Variants in MFSD6 observed in about 807,000 individuals in gnomAD.
MFSD6 encodes major facilitator superfamily domain containing 6, also known as major facilitator superfamily domain-containing protein 6.
MFSD6 carries 26 observed loss-of-function variants against 56.3 expected under a neutral mutation model. That is an observed-to-expected ratio of 0.46 (90% CI 0.34 to 0.64). MFSD6 has a LOEUF of 0.64. MFSD6 is among the 30% of genes least tolerant of loss of function. MFSD6 has a pLI of 0.01. For synonymous variants in MFSD6, 331 were observed against 366.9 expected, an observed-to-expected ratio of 0.90 and a Z score of 1.12; for missense variants, 750 against 986.2, an observed-to-expected ratio of 0.76 and a Z score of 3.21.
In MFSD6 at chr2:190,499,744, G is replaced by A. The variant is rs1261891998; in HGVS notation, c.2173-271G>A. 4 of 1,321,846 alleles carry A rather than the reference G, an allele frequency of 3.0e-6. No individual in the cohort carries two copies. In the Admixed American group the frequency reaches 6.6e-5, roughly 22 times the overall value. 81.9% of individuals were successfully genotyped at this position (1,321,846 alleles called of 1,614,324 possible). Reference sequence around the variant, plus strand: ...TTTGCTGATGTAAACTGTTTACCAAGTACTAACAGACATTTTGGTAGTAAT... The same window carrying A: ...TTTGCTGATGTAAACTGTTTACCAAATACTAACAGACATTTTGGTAGTAAT... On this transcript the variant is annotated intron_variant, in intron 7 of 7. Transcript: ENST00000392328. The surrounding 1 kb of genome is among the most constrained non-coding windows in gnomAD (Gnocchi z 6.0).
At chr2:190,478,930 A>C (rs1297432627) in intron 4 of MFSD6, among the ~76,000 whole-genome samples, 1 of 152,134 alleles carries the variant, frequency 6.6e-6, no homozygotes, top group East Asian at 1.9e-4. Context: ...TACTATCTAG[A>C]GGGTAGCTGA....
rs1349051856 is a variant in MFSD6, at chr2:190,423,273, C to T, written c.-54+7860C>T. Among the ~76,000 whole-genome samples the T allele has an allele frequency of 6.6e-6, 1 of 152,232 alleles. No individual in the cohort carries two copies. Among genetic ancestry groups the T allele is most frequent in the Non-Finnish European group, 1.5e-5 (1 of 68,044 alleles). On this transcript the variant is annotated intron_variant, in intron 2 of 7. Transcript: ENST00000392328. The surrounding 1 kb of genome is among the most constrained non-coding windows in gnomAD (Gnocchi z 4.3). ...CCCTCATGTTGCCCTTGTATAGCCA[C>T]CTCTACTTCCCTCCTGTCCCCACTC...
Position 190,418,587 on chromosome 2 carries a change from C to G in MFSD6, c.-54+3174C>G, listed in dbSNP as rs1277605606. Among the ~76,000 whole-genome samples, 1 of 152,078 alleles carries G rather than the reference C, an allele frequency of 6.6e-6. No individual in the cohort carries two copies. The highest frequency in any genetic ancestry group is 1.5e-5 in the Non-Finnish European group (1 of 68,026). On this transcript the variant is annotated intron_variant, in intron 2 of 7. Transcript: ENST00000392328. This position sits in a 1 kb window ranked among gnomAD's most constrained non-coding sequence, Gnocchi z 4.1. Reference sequence around the variant, plus strand: ...CCTGGGCAACATAGTGAGACCCTGTCTCTGCAAACAACTGAAAAGAATAGC... The same window carrying G: ...CCTGGGCAACATAGTGAGACCCTGTGTCTGCAAACAACTGAAAAGAATAGC...
chr2:190,452,926 A>G (rs1304992308), intron 3 of MFSD6, among the ~76,000 whole-genome samples: 1 of 152,224 alleles, frequency 6.6e-6, no homozygotes, highest in African/African-American at 2.4e-5. Flanking sequence ...TTTAGGAAGA[A>G]TTAATTCACA....
rs937297118 is a variant in MFSD6, at chr2:190,491,288, A to G, written c.1891+1422A>G. Among the ~76,000 whole-genome samples the G allele has an allele frequency of 2.0e-5, 3 of 152,178 alleles. No homozygotes were observed. The highest frequency in any genetic ancestry group is 7.2e-5 in the African/African-American group (3 of 41,426). On this transcript the variant is annotated intron_variant, in intron 6 of 7. Coordinates refer to ENST00000392328, the MANE Select transcript of MFSD6 (RefSeq NM_017694.4). The surrounding 1 kb of genome is among the most constrained non-coding windows in gnomAD (Gnocchi z 4.2). ...GAGGCAGGATTAGGTTGCAGCTCAC[A>G]CTCAGGTGGACCGAGTAGCATGTGG... is the stretch of plus-strand genomic sequence containing the variant.
chr2:190,453,811 G>T (rs936735922), intron 3 of MFSD6, among the ~76,000 whole-genome samples: 1 of 152,190 alleles, frequency 6.6e-6, no homozygotes, highest in Non-Finnish European at 1.5e-5. Flanking sequence ...AGGTGTCACT[G>T]TCTGTGCCTT....
Position 190,471,840 on chromosome 2 carries a change from C to CCGG in MFSD6, c.1630+1985_1630+1986insCGG, listed in dbSNP as rs1687954844. On this transcript the variant is annotated intron_variant, in intron 4 of 7. Transcript: ENST00000392328. This position sits in a 1 kb window ranked among gnomAD's most constrained non-coding sequence, Gnocchi z 4.7. ...AGTAGCCTAACTGGGAGGCACCCCC[C>CCGG]AGTAGGGGCAGACTGATAACTCATA... Among the ~76,000 whole-genome samples the CCGG allele has an allele frequency of 2.6e-5, 4 of 152,220 alleles. No homozygotes were observed. Among genetic ancestry groups the CCGG allele is most frequent in the South Asian group, 2.1e-4 (1 of 4,834 alleles).
rs1686232676 is a variant in MFSD6, at chr2:190,437,929, A to T, written c.1532+368A>T. Among the ~76,000 whole-genome samples the T allele has an allele frequency of 2.0e-5, 3 of 152,218 alleles. No individual in the cohort carries two copies. The South Asian group carries it at 6.2e-4, about 32-fold the overall frequency. On this transcript the variant is annotated intron_variant, in intron 3 of 7. Transcript: ENST00000392328. The surrounding 1 kb of genome is among the most constrained non-coding windows in gnomAD (Gnocchi z 5.9). ...GTCCACCTGTCCTAGGCATTTATGA[A>T]CCAGAGCTTAAGTAGATAAAGTGGA... is the stretch of plus-strand genomic sequence containing the variant.
At chr2:190,470,974 T>C (rs1207968583) in intron 4 of MFSD6, among the ~76,000 whole-genome samples, 7 of 152,182 alleles carry the variant, frequency 4.6e-5, no homozygotes, top group Admixed American at 4.6e-4. Flanking sequence ...AAGGAGATTC[T>C]GTTTACAAAT....
chr2:190,414,256 G>A (rs1690687387), intron 1 of MFSD6, among the ~76,000 whole-genome samples: 1 of 152,070 alleles, frequency 6.6e-6, no homozygotes, highest in South Asian at 2.1e-4. Context: ...CACATGTCCT[G>A]CACATGTGTC....
At position 190,497,391 on chromosome 2, in the gene MFSD6, T is replaced by C. The variant is rs753653964; in HGVS notation, c.1892-48T>C. The stretch of plus-strand genomic sequence containing the variant: ...TTATTTATTTTTACCTTTGTTCAAA[T>C]ATGTAGAAAATGCTGAAAAAATAGT... On this transcript the variant is annotated intron_variant, in intron 6 of 7. Coordinates refer to ENST00000392328, the MANE Select transcript of MFSD6 (RefSeq NM_017694.4). This position sits in a 1 kb window ranked among gnomAD's most constrained non-coding sequence, Gnocchi z 5.2. 6.3e-7 allele frequency: 1 copy of C among 1,582,964 alleles called. No individual in the cohort carries two copies. Among genetic ancestry groups the C allele is most frequent in the Non-Finnish European group, 8.6e-7 (1 of 1,161,432 alleles).
intron 4 of MFSD6, among the ~76,000 whole-genome samples, chr2:190,476,445 A>G (rs888153167): frequency 3.3e-5 from 5 of 152,246 alleles, no homozygotes; most frequent in African/African-American, 7.2e-5. Flanking sequence ...CAACAGACAC[A>G]TGAAAAAATG....
rs1686769788 is a variant in MFSD6, at chr2:190,451,374, G to A, written c.1532+13813G>A. On this transcript the variant is annotated intron_variant, in intron 3 of 7. Coordinates refer to ENST00000392328, the MANE Select transcript of MFSD6 (RefSeq NM_017694.4). This position sits in a 1 kb window ranked among gnomAD's most constrained non-coding sequence, Gnocchi z 5.0. ...AGTCCTCAACTATGAACAGTAGGTAGTATTGTTACTAATTCATTCCTCCAA... is the reference window on the plus strand; with the variant it reads ...AGTCCTCAACTATGAACAGTAGGTAATATTGTTACTAATTCATTCCTCCAA... Among the ~76,000 whole-genome samples the A allele has an allele frequency of 6.6e-6, 1 of 152,206 alleles. No individual in the cohort carries two copies. The highest frequency in any genetic ancestry group is 2.4e-5 in the African/African-American group (1 of 41,446).
rs774372794 is a variant in MFSD6 at position 190,437,307 on chromosome 2, C to T, written c.1278C>T (p.Thr426=). Residue 426 remains threonine, a synonymous_variant, in exon 3 of 8, where the codon ACC becomes ACT. Coordinates refer to ENST00000392328, the MANE Select transcript of MFSD6 (RefSeq NM_017694.4). This position sits in a 1 kb window ranked among gnomAD's most constrained non-coding sequence, Gnocchi z 5.9. ...AGTCCTCTGAGGAGACACCAACCAC[C>T]ACAAGCCACTCGCAGGCCTTCAACT... ...STESSEETPT[T]TSHSQAFNFW... is the part of the protein sequence containing the mutation. The T allele has an allele frequency of 1.9e-6, 3 of 1,614,254 alleles. No homozygotes were observed. Among genetic ancestry groups the T allele is most frequent in the Non-Finnish European group, 2.5e-6 (3 of 1,180,048 alleles).
chr2:190,483,145 G>A (rs2125212754), intron 4 of MFSD6, among the ~76,000 whole-genome samples: 1 of 151,890 alleles, frequency 6.6e-6, no homozygotes. Flanking sequence ...ACCCGCCTCG[G>A]CCTCCCAAAG....
rs1689982091 is a variant in MFSD6 at position 190,500,642 on chromosome 2, A to C, written c.*424A>C. On this transcript the variant is annotated 3_prime_UTR_variant, in exon 8 of 8. Transcript: ENST00000392328. The surrounding 1 kb of genome is among the most constrained non-coding windows in gnomAD (Gnocchi z 5.3). ...GGTTCCTAACACAAACTGGGAAGAG[A>C]TAGAATTCATCTATACTTTCTTTTT... 1.2e-5 allele frequency: 2 copies of C among 161,000 alleles called. No individual in the cohort carries two copies. The highest frequency in any genetic ancestry group is 2.7e-5 in the Non-Finnish European group (2 of 73,106). The allele number at this position is 161,000 out of a possible 1,614,324, so 10.0% of individuals were successfully genotyped here. A position where few individuals can be genotyped will look rare whatever the true frequency, so the allele number is the denominator to read the frequency against.
Position 190,501,328 on chromosome 2 carries a change from A to T in MFSD6, c.*1110A>T, listed in dbSNP as rs1690012772. On this transcript the variant is annotated 3_prime_UTR_variant, in exon 8 of 8. Coordinates refer to ENST00000392328, the MANE Select transcript of MFSD6 (RefSeq NM_017694.4). ...ACTTTCCAATGACTAAAGAAAGAAA[A>T]TCTCAGTATATTCGTTCTCATGAAG... 1 of 152,178 alleles carries T rather than the reference A, an allele frequency of 6.6e-6. No individual in the cohort carries two copies. Among genetic ancestry groups the T allele is most frequent in the Non-Finnish European group, 1.5e-5 (1 of 68,034 alleles). 9.4% of individuals were successfully genotyped at this position (152,178 alleles called of 1,614,324 possible).
chr2:190,434,595 A>G lies in MFSD6; in HGVS notation c.-53-1382A>G, dbSNP rs931607804. Among the ~76,000 whole-genome samples the G allele has an allele frequency of 6.6e-6, 1 of 152,058 alleles. No homozygotes were observed. The highest frequency in any genetic ancestry group is 1.5e-5 in the Non-Finnish European group (1 of 68,014). Reference sequence around the variant, plus strand: ...GGACTACATGCGTGCCACCAGGCCCAGCTAATTCTTGTACTTTTAGTAGAA... The same window carrying G: ...GGACTACATGCGTGCCACCAGGCCCGGCTAATTCTTGTACTTTTAGTAGAA... On this transcript the variant is annotated intron_variant, in intron 2 of 7. Transcript: ENST00000392328. This position sits in a 1 kb window ranked among gnomAD's most constrained non-coding sequence, Gnocchi z 4.3.
At chr2:190,468,787 T>C (rs1015743278) in intron 3 of MFSD6, among the ~76,000 whole-genome samples, 5 of 152,062 alleles carry the variant, frequency 3.3e-5, no homozygotes, top group Non-Finnish European at 7.4e-5. Flanking sequence ...AAAAGCAAGA[T>C]TAGGAAAATA....
Sources: gnomAD v4.1 joint callset for allele counts (sites outside exome capture counted in the v4.1 genomes callset) on GRCh38, gnomAD v4.1.1 for gene constraint, Gnocchi (gnomAD v3.1) non-coding constraint, MANE v1.5 for transcripts, NCBI Gene and HGNC (gene_info 2026-07-23, HGNC 2026-07-21) for gene names.